VDR: variants seen among roughly 807,000 people sequenced by gnomAD.
VDR encodes vitamin D3 receptor.
Under a neutral mutation model 39.7 loss-of-function variants are expected in VDR, and 19 were observed. The observed-to-expected ratio is 0.48, with a 90% CI of 0.33 to 0.70. VDR has a LOEUF of 0.70. VDR is among the 30% of genes least tolerant of loss of function. The pLI is 0.02. For missense variants in VDR, 442 were observed against 570.5 expected (o/e 0.77, Z 2.29); for synonymous variants, 242 against 215.8 (o/e 1.12, Z -1.07).
chr12:47,868,020 C>T (rs188597178), intron 3 of VDR, among the ~76,000 whole-genome samples: 1 of 152,296 alleles, frequency 6.6e-6, no homozygotes, highest in East Asian at 1.9e-4. Context: ...CCCAAGAGAC[C>T]GTCAGTGTAA....
intron 7 of VDR, among the ~76,000 whole-genome samples, chr12:47,850,751 C>T (rs1424992615): frequency 5.9e-5 from 9 of 152,146 alleles, no homozygotes; most frequent in Admixed American, 5.9e-4. Context: ...ACCTGTGTGA[C>T]ATTTACACCC....
chr12:47,845,301 C>G (rs1004206357), intron 9 of VDR, among the ~76,000 whole-genome samples: 1 of 151,820 alleles, frequency 6.6e-6, no homozygotes. Context: ...GCCATGCTCT[C>G]TGGCCACCAG....
At chr12:47,885,793 C>T (rs1325120298) in intron 1 of VDR, among the ~76,000 whole-genome samples, 1 of 152,212 alleles carries the variant, frequency 6.6e-6, no homozygotes, top group East Asian at 1.9e-4. Flanking sequence ...AATTCCTGGG[C>T]TCAAGCAATC....
chr12:47,855,380 C>T (rs867161114), intron 7 of VDR, among the ~76,000 whole-genome samples: 45 of 143,808 alleles, frequency 3.1e-4, no homozygotes, highest in African/African-American at 7.3e-4. Context: ...ATTAGCCGGG[C>T]GTGGTGTCTG....
At chr12:47,880,336 G>A (rs1410467373) in intron 2 of VDR, among the ~76,000 whole-genome samples, 1 of 152,052 alleles carries the variant, frequency 6.6e-6, no homozygotes, top group African/African-American at 2.4e-5. Flanking sequence ...CAATGACTAG[G>A]CCCATGATCT....
At chr12:47,884,368 C>A (rs911828656) in intron 1 of VDR, among the ~76,000 whole-genome samples, 1 of 152,184 alleles carries the variant, frequency 6.6e-6, no homozygotes, top group Non-Finnish European at 1.5e-5. Flanking sequence ...TGTAGCAAAG[C>A]CAAATTTCAG....
rs976850235 is a variant in VDR, at chr12:47,843,067, T to C, written c.*1679A>G. Reference sequence around the variant, plus strand: ...TGCTACCCTGTATATTAGACTATAATACAAATGGAGTCTGAGTCTGAAAAC... The same window carrying C: ...TGCTACCCTGTATATTAGACTATAACACAAATGGAGTCTGAGTCTGAAAAC... On this transcript the variant is annotated 3_prime_UTR_variant, in exon 10 of 10. Transcript: ENST00000549336. 18 of 152,174 alleles carry C rather than the reference T, an allele frequency of 1.2e-4. No individual in the cohort carries two copies. The highest frequency in any genetic ancestry group is 4.1e-4 in the African/African-American group (17 of 41,434). 9.4% of individuals were successfully genotyped at this position (152,174 alleles called of 1,614,324 possible). A position where few individuals can be genotyped will look rare whatever the true frequency, so the allele number is the denominator to read the frequency against.
chr12:47,872,245 C>G (rs1945898727), intron 3 of VDR, among the ~76,000 whole-genome samples: 1 of 152,122 alleles, frequency 6.6e-6, no homozygotes, highest in Non-Finnish European at 1.5e-5. Context: ...GTTTCCACAT[C>G]TGTAAAATGG....
chr12:47,855,466 G>A (rs373634019), intron 7 of VDR, among the ~76,000 whole-genome samples, 164 bp downstream of exon 7: 6 of 152,320 alleles, frequency 3.9e-5, no homozygotes, highest in East Asian at 1.9e-4. Context: ...GTTGCAGTGA[G>A]CCGAGATCGC....
Position 47,857,238 on chromosome 12 carries a change from A to G in VDR, c.474T>C (p.Arg158=). The G allele has an allele frequency of 6.2e-7, 1 of 1,614,162 alleles. No individual in the cohort carries two copies. Among genetic ancestry groups the G allele is most frequent in the Non-Finnish European group, 8.5e-7 (1 of 1,180,024 alleles). ...SDFCQFRPPV[R]VNDGGGSHPS... is the part of the protein sequence containing the mutation. ...GATGGCTCCCTCCACCATCATTCAC[A>G]CGAACTGGAGGCTGGAAGGGAAAGA... Residue 158 remains arginine, a synonymous_variant, in exon 6 of 10, where the codon CGT becomes CGC. Transcript: ENST00000549336.
At chr12:47,899,512 C>T (rs538502636) in intron 1 of VDR, among the ~76,000 whole-genome samples, 1 of 152,360 alleles carries the variant, frequency 6.6e-6, no homozygotes, top group East Asian at 1.9e-4. Flanking sequence ...AGCGACCTCG[C>T]CAAGATTTGA....
chr12:47,865,222 G>T, intron 3 of VDR, 45 bp from the exon 4 acceptor site: 1 of 1,602,800 alleles, frequency 6.2e-7, no homozygotes. Context: ...TGAACTTCCG[G>T]CTCCTCACCC....
chr12:47,848,555 CTTTTTTTTTTT>C (rs1162881183), intron 7 of VDR, among the ~76,000 whole-genome samples: 38 of 58,160 alleles, frequency 6.5e-4, no homozygotes, highest in Non-Finnish European at 7.5e-4. Flanking sequence ...TTTTCTACTC[CTTTTTTTTTTT>C]TTTTTTTTTT....
chr12:47,883,789 G>A (rs914328115), intron 1 of VDR, among the ~76,000 whole-genome samples: 23 of 152,250 alleles, frequency 1.5e-4, no homozygotes, highest in African/African-American at 5.3e-4. Flanking sequence ...AGCAGGGAAG[G>A]GGGAGAGCTC....
intron 1 of VDR, among the ~76,000 whole-genome samples, chr12:47,889,215 G>A (rs1284047640): frequency 6.6e-6 from 1 of 151,926 alleles, no homozygotes; most frequent in Non-Finnish European, 1.5e-5. Flanking sequence ...AGGCCACACA[G>A]TAAGGAAGTA....
intron 1 of VDR, among the ~76,000 whole-genome samples, chr12:47,892,404 C>T (rs941916922): frequency 9.2e-5 from 14 of 152,252 alleles, no homozygotes; most frequent in Admixed American, 9.2e-4. Context: ...GCTGCTCCTC[C>T]ATTTCTGATT....
At chr12:47,865,619 C>T (rs1945715356) in intron 3 of VDR, among the ~76,000 whole-genome samples, 1 of 151,776 alleles carries the variant, frequency 6.6e-6, no homozygotes, top group African/African-American at 2.4e-5. Context: ...CACTATGTTG[C>T]CCAGGCTAGT....
intron 2 of VDR, among the ~76,000 whole-genome samples, chr12:47,882,060 A>G (rs1367543961): frequency 6.6e-6 from 1 of 152,188 alleles, no homozygotes; most frequent in Non-Finnish European, 1.5e-5. Context: ...CATCACATGG[A>G]CTCATTTGGA....
rs536068470 is a variant in VDR, at chr12:47,878,707, A to G, written c.146+261T>C. ...GTTGGTGTAGGAGGCTGTGGGTTACAGGCGTAATGGAAAGACAGAGACCCA... is the reference window on the plus strand; with the variant it reads ...GTTGGTGTAGGAGGCTGTGGGTTACGGGCGTAATGGAAAGACAGAGACCCA... On this transcript the variant is annotated intron_variant, in intron 3 of 9. Transcript: ENST00000549336. 47 of 582,948 alleles carry G rather than the reference A, an allele frequency of 8.1e-5. No homozygotes were observed. In the African/African-American group the frequency reaches 8.5e-4, roughly 11 times the overall value. The allele number at this position is 582,948 out of a possible 1,614,324, so 36.1% of individuals were successfully genotyped here.
Sources: gnomAD v4.1 joint callset for allele counts (sites outside exome capture counted in the v4.1 genomes callset) on GRCh38, gnomAD v4.1.1 for gene constraint, MANE v1.5 for transcripts, NCBI Gene and HGNC (gene_info 2026-07-23, HGNC 2026-07-21) for gene names.